The following ASCC3 variants were observed in gnomAD, a reference collection of about 807,000 sequenced individuals.
ASCC3 encodes activating signal cointegrator 1 complex subunit 3.
ASCC3 carries 158 observed loss-of-function variants against 256.3 expected under a neutral mutation model. The observed-to-expected ratio is 0.62, with a 90% CI of 0.54 to 0.70. The LOEUF is 0.70. Among genes scored for constraint, ASCC3 ranks in the 30% least tolerant of loss-of-function variants. The probability of loss-of-function intolerance (pLI) is 0.00; values close to 1 mark genes in which losing one functional copy is unlikely to be tolerated. For synonymous variants in ASCC3, 948 were observed against 883.4 expected (o/e 1.07, Z -1.30); for missense variants, 2,259 against 2,626.0 (o/e 0.86, Z 3.05).
intron 10 of ASCC3, among the ~76,000 whole-genome samples, chr6:100,742,608 C>A (rs1009971236): frequency 3.9e-5 from 6 of 152,140 alleles, no homozygotes; most frequent in African/African-American, 1.4e-4. Context: ...CCAGTGAGGG[C>A]AAATGCATCC....
At chr6:100,785,085 T>C (rs1782628745) in intron 8 of ASCC3, among the ~76,000 whole-genome samples, 1 of 152,154 alleles carries the variant, frequency 6.6e-6, no homozygotes, top group Admixed American at 6.6e-5. Flanking sequence ...ATTTTCTCTT[T>C]ACTGAAGAGT....
intron 4 of ASCC3, among the ~76,000 whole-genome samples, chr6:100,813,882 G>A (rs370477436): frequency 1.6e-4 from 24 of 152,082 alleles, no homozygotes; most frequent in African/African-American, 5.1e-4. Context: ...AAATCGTGTT[G>A]TCTGCAAACA....
chr6:100,854,562 G>T (rs1772846591), intron 3 of ASCC3, among the ~76,000 whole-genome samples: 3 of 152,078 alleles, frequency 2.0e-5, no homozygotes, highest in South Asian at 2.1e-4. Flanking sequence ...TAGTACAAAA[G>T]ATTAAAAATA....
At chr6:100,811,562 T>C (rs1430391867) in intron 4 of ASCC3, among the ~76,000 whole-genome samples, 4 of 152,020 alleles carry the variant, frequency 2.6e-5, no homozygotes, top group Non-Finnish European at 5.9e-5. Flanking sequence ...TCCTTACATA[T>C]ATCAAAACAC....
rs767852924 is a variant in ASCC3 at position 100,718,213 on chromosome 6, C to T, written c.1941G>A (p.Leu647=). Residue 647 remains leucine (L), a synonymous_variant, in exon 12 of 42, where the codon CTG becomes CTA. Transcript: ENST00000369162. ...STQSMIRILG[L]SATLPNYLDV... is the part of the protein sequence containing the mutation. ...CGAGGTAGTTAGGTAAAGTTGCAGA[C>T]AGTCCGAGAATCCTTATCATACTCT... 1.9e-6 allele frequency: 3 copies of T among 1,612,628 alleles called. No homozygotes were observed. The highest frequency in any genetic ancestry group is 2.2e-5 in the East Asian group (1 of 44,834).
At chr6:100,537,910 A>AAT (rs1186218411) in intron 37 of ASCC3, among the ~76,000 whole-genome samples, 1 of 150,200 alleles carries the variant, frequency 6.7e-6, no homozygotes, top group Non-Finnish European at 1.5e-5. Flanking sequence ...ATACTGTATA[A>AAT]ATATATATAC....
chr6:100,858,459 T>A (rs770425451), intron 3 of ASCC3: 12 of 573,636 alleles, frequency 2.1e-5, no homozygotes, highest in Non-Finnish European at 2.4e-5. Context: ...TTTTTATAGC[T>A]ACAGCTTATC....
chr6:100,828,761 G>A (rs1771462100), intron 4 of ASCC3, among the ~76,000 whole-genome samples: 2 of 152,108 alleles, frequency 1.3e-5, no homozygotes, highest in Admixed American at 6.6e-5. Context: ...GCTCATAAAG[G>A]CAGTGTGGAC....
At chr6:100,600,487 A>G (rs968549578) in intron 34 of ASCC3, among the ~76,000 whole-genome samples, 12 of 152,116 alleles carry the variant, frequency 7.9e-5, no homozygotes, top group African/African-American at 2.9e-4. Context: ...TTCTCAAATA[A>G]TATTTAGTAC....
At chr6:100,574,188 AT>A (rs1396033189) in intron 36 of ASCC3, among the ~76,000 whole-genome samples, 1 of 152,166 alleles carries the variant, frequency 6.6e-6, no homozygotes, top group Non-Finnish European at 1.5e-5. Flanking sequence ...TGCACTGACT[AT>A]TGGATAGAAT....
intron 13 of ASCC3, among the ~76,000 whole-genome samples, chr6:100,684,868 G>A (rs1777489765): frequency 1.4e-5 from 2 of 144,572 alleles, no homozygotes; most frequent in Admixed American, 7.1e-5. Flanking sequence ...ATGCAGTGGC[G>A]CGATCTCGGC....
chr6:100,568,580 T>C (rs900573013), intron 36 of ASCC3, among the ~76,000 whole-genome samples: 2 of 151,844 alleles, frequency 1.3e-5, no homozygotes, highest in African/African-American at 4.8e-5. Flanking sequence ...TTAAGATCCT[T>C]ATAGATTCTG....
At chr6:100,815,294 T>C (rs1770685299) in intron 4 of ASCC3, among the ~76,000 whole-genome samples, 1 of 152,144 alleles carries the variant, frequency 6.6e-6, no homozygotes, top group Non-Finnish European at 1.5e-5. Flanking sequence ...AAACATTCCA[T>C]GCTCATGGAT....
intron 3 of ASCC3, among the ~76,000 whole-genome samples, chr6:100,853,597 T>A (rs2114518548): frequency 6.6e-6 from 1 of 152,236 alleles, no homozygotes; most frequent in South Asian, 2.1e-4. Context: ...CCTGAGTAGC[T>A]GGGAGTACAG....
At position 100,795,603 on chromosome 6, in the gene ASCC3, T is replaced by C. The variant is rs538540996; in HGVS notation, c.1395+3110A>G. ...AATCAAGAGATGCATCTACATTTTT[T>C]ACATTGCTCCCTTTCCAAGAAAGTA... On this transcript the variant is annotated intron_variant, in intron 8 of 41. Coordinates refer to ENST00000369162, the MANE Select transcript of ASCC3 (RefSeq NM_006828.4). 7.2e-5 allele frequency among the ~76,000 whole-genome samples: 11 copies of C among 152,284 alleles called. No individual in the cohort carries two copies. The East Asian group carries it at 2.1e-3, about 29-fold the overall frequency.
chr6:100,728,348 T>C (rs978866858), intron 10 of ASCC3, among the ~76,000 whole-genome samples: 1 of 151,946 alleles, frequency 6.6e-6, no homozygotes, highest in Admixed American at 6.6e-5. Flanking sequence ...AGAGGATATG[T>C]TTACAGAGGA....
chr6:100,864,374 T>G (rs1773380161), intron 2 of ASCC3, among the ~76,000 whole-genome samples, 160 bp from the exon 3 acceptor site: 1 of 152,196 alleles, frequency 6.6e-6, no homozygotes, highest in Non-Finnish European at 1.5e-5. Context: ...ACAAAACAAT[T>G]TTACTTAAAT....
At position 100,536,570 on chromosome 6, in the gene ASCC3, C is replaced by T. The variant is rs548032842; in HGVS notation, c.5775+3593G>A. On this transcript the variant is annotated intron_variant, in intron 37 of 41. Transcript: ENST00000369162. ...GATCATGGCTCATTGCAGCCTTGAC[C>T]TCCTGGGTTCAAGCAATTCTCTCAC... Among the ~76,000 whole-genome samples, 66 of 152,200 alleles carry T rather than the reference C, an allele frequency of 4.3e-4. 2 individuals carry two copies. The highest frequency in any genetic ancestry group is 6.8e-3 in the Middle Eastern group (2 of 294).
chr6:100,876,528 C>A (rs1007188663), intron 1 of ASCC3, among the ~76,000 whole-genome samples: 6 of 152,116 alleles, frequency 3.9e-5, no homozygotes, highest in African/African-American at 1.4e-4. Flanking sequence ...AAGTGCTTAA[C>A]TTTAGGCCTA....
Sources: allele counts gnomAD v4.1 joint callset (sites outside exome capture counted in the v4.1 genomes callset), GRCh38; gene constraint gnomAD v4.1.1; transcripts MANE v1.5; gene names NCBI Gene and HGNC (gene_info 2026-07-23, HGNC 2026-07-21).